Variants in MBD5 observed in about 807,000 individuals in gnomAD.
MBD5 encodes the protein methyl-CpG binding domain protein 5, also known as methyl-CpG-binding domain protein 5.
Under a neutral mutation model 117.3 loss-of-function variants are expected in MBD5, and 13 were observed. The ratio of observed to expected loss-of-function variants is 0.11; its 90% CI spans 0.07 to 0.18. MBD5 has a LOEUF of 0.18. Ranked by LOEUF, MBD5 falls within the 10% of genes least tolerant of loss-of-function variation. MBD5 has a pLI of 1.00. For synonymous variants in MBD5, 727 were observed against 766.4 expected (o/e 0.95, Z 0.85); for missense variants, 1,879 against 2,093.8 (o/e 0.90, Z 2.00).
At chr2:148,160,722 T>C (rs1226706327) in intron 1 of MBD5, among the ~76,000 whole-genome samples, 1 of 152,216 alleles carries the variant, frequency 6.6e-6, no homozygotes, top group Non-Finnish European at 1.5e-5. Context: ...ACTTGCATCT[T>C]AGCCCCTTAG....
At chr2:148,195,469 C>T (rs1212250392) in intron 2 of MBD5, among the ~76,000 whole-genome samples, 1 of 152,022 alleles carries the variant, frequency 6.6e-6, no homozygotes. Context: ...ATATTTCAAC[C>T]TTCCTCTCCC....
At chr2:148,160,099 T>A (rs577314460) in intron 1 of MBD5, among the ~76,000 whole-genome samples, 32 of 152,140 alleles carry the variant, frequency 2.1e-4, no homozygotes, top group Non-Finnish European at 4.4e-4. Context: ...AACCCAGCTA[T>A]GGAAATCTGC....
chr2:148,399,497 G>T (rs1334189129), intron 4 of MBD5, among the ~76,000 whole-genome samples: 1 of 152,122 alleles, frequency 6.6e-6, no homozygotes, highest in African/African-American at 2.4e-5. Context: ...TTTAGCACAT[G>T]GATTTTGTAT....
At chr2:148,437,808 C>T (rs977322106) in intron 4 of MBD5, among the ~76,000 whole-genome samples, 1 of 152,044 alleles carries the variant, frequency 6.6e-6, no homozygotes, top group Non-Finnish European at 1.5e-5. Flanking sequence ...TAATTGTTTG[C>T]ACCCAGCTTT....
intron 3 of MBD5, among the ~76,000 whole-genome samples, chr2:148,268,672 T>G (rs1361805399): frequency 6.6e-6 from 1 of 151,630 alleles, no homozygotes; most frequent in African/African-American, 2.4e-5. Flanking sequence ...TAATTTGCTA[T>G]GAGTATTTTA....
chr2:148,142,477 C>T (rs1558943269), intron 1 of MBD5, among the ~76,000 whole-genome samples: 1 of 152,112 alleles, frequency 6.6e-6, no homozygotes, highest in African/African-American at 2.4e-5. Context: ...ACATAGAATT[C>T]TATATCCAAC....
intron 1 of MBD5, among the ~76,000 whole-genome samples, chr2:148,144,164 T>C (rs1417724902): frequency 6.6e-6 from 1 of 151,990 alleles, no homozygotes. Context: ...TGGTATCTCA[T>C]TGTGGTTTTG....
chr2:148,418,359 T>A (rs920127758), intron 4 of MBD5, among the ~76,000 whole-genome samples: 9 of 152,098 alleles, frequency 5.9e-5, no homozygotes, highest in Non-Finnish European at 5.9e-5. Context: ...CATCATAAAT[T>A]TTTTGCCAGA....
chr2:148,101,760 G>A (rs1696223689), intron 1 of MBD5, among the ~76,000 whole-genome samples: 1 of 152,098 alleles, frequency 6.6e-6, no homozygotes, highest in African/African-American at 2.4e-5. Context: ...TAGAAAAATT[G>A]TGTTCTCTCA....
At chr2:148,326,674 T>G (rs1702461254) in intron 3 of MBD5, among the ~76,000 whole-genome samples, 1 of 151,716 alleles carries the variant, frequency 6.6e-6, no homozygotes. Context: ...CCTTTTTTTG[T>G]TTTCCATTTG....
At chr2:148,308,269 C>T (rs551935886) in intron 3 of MBD5, among the ~76,000 whole-genome samples, 67 of 152,184 alleles carry the variant, frequency 4.4e-4, no homozygotes, top group African/African-American at 1.5e-3. Context: ...AGTGTAAAAG[C>T]GTTCCTATTT....
chr2:148,498,394 A>T (rs1046410569), intron 11 of MBD5, among the ~76,000 whole-genome samples: 1 of 152,078 alleles, frequency 6.6e-6, no homozygotes, highest in African/African-American at 2.4e-5. Context: ...TGTTTTTGAG[A>T]TGGAGTCTCT....
intron 1 of MBD5, among the ~76,000 whole-genome samples, chr2:148,154,828 G>C (rs891152280): frequency 3.9e-5 from 6 of 152,146 alleles, no homozygotes; most frequent in African/African-American, 7.2e-5. Context: ...TGCGCCCACT[G>C]TCTGGCACTC....
At chr2:148,198,972 G>T (rs1699066178) in intron 2 of MBD5, among the ~76,000 whole-genome samples, 2 of 151,394 alleles carry the variant, frequency 1.3e-5, no homozygotes, top group Admixed American at 1.3e-4. Context: ...ATATATCTGT[G>T]TATATTATAT....
At chr2:148,163,210 A>T (rs1313614997) in intron 1 of MBD5, among the ~76,000 whole-genome samples, 3 of 152,218 alleles carry the variant, frequency 2.0e-5, no homozygotes, top group Non-Finnish European at 4.4e-5. Flanking sequence ...TATAATTCAA[A>T]TAACTCCAAA....
chr2:148,032,771 C>T (rs1694075541), intron 1 of MBD5, among the ~76,000 whole-genome samples: 2 of 151,960 alleles, frequency 1.3e-5, no homozygotes, highest in South Asian at 4.2e-4. Context: ...AGTTTAAAAC[C>T]AATAATGCTT....
chr2:148,246,295 A>G (rs1221956867), intron 3 of MBD5, among the ~76,000 whole-genome samples: 1 of 152,238 alleles, frequency 6.6e-6, no homozygotes, highest in Non-Finnish European at 1.5e-5. Context: ...TCATAACATT[A>G]CATTGCCTTT....
chr2:148,325,746 C>G (rs1702429760), intron 3 of MBD5, among the ~76,000 whole-genome samples: 1 of 151,800 alleles, frequency 6.6e-6, no homozygotes, highest in Non-Finnish European at 1.5e-5. Flanking sequence ...ATTAGTCTTG[C>G]TAGTGGTCTA....
intron 1 of MBD5, among the ~76,000 whole-genome samples, chr2:148,070,222 C>G (rs1475516079): frequency 6.6e-6 from 1 of 152,164 alleles, no homozygotes; most frequent in Non-Finnish European, 1.5e-5. Flanking sequence ...CTGTTCCTGG[C>G]TTACTTCACT....
Sources: allele counts gnomAD v4.1 joint callset (sites outside exome capture counted in the v4.1 genomes callset), GRCh38; gene constraint gnomAD v4.1.1; transcripts MANE v1.5; gene names NCBI Gene and HGNC (gene_info 2026-07-23, HGNC 2026-07-21).